The following CHRM3 variants were observed in gnomAD, a reference collection of about 807,000 sequenced individuals.
CHRM3 encodes cholinergic receptor muscarinic 3, also known as muscarinic acetylcholine receptor M3.
A neutral mutation model predicts 41.8 loss-of-function variants in CHRM3; 11 were observed. That is an observed-to-expected ratio of 0.26 (90% CI 0.17 to 0.44). The LOEUF is 0.44. CHRM3 is among the 20% of genes least tolerant of loss of function. The probability of loss-of-function intolerance (pLI) is 1.00; values close to 1 mark genes in which losing one functional copy is unlikely to be tolerated. For synonymous variants in CHRM3, 297 were observed against 301.4 expected (o/e 0.99, Z 0.15); for missense variants, 571 against 745.4 (o/e 0.77, Z 2.72).
At chr1:239,776,514 C>A (rs979907446) in intron 5 of CHRM3, among the ~76,000 whole-genome samples, 4 of 152,038 alleles carry the variant, frequency 2.6e-5, no homozygotes, top group African/African-American at 9.7e-5. Context: ...TTTTCCTTAT[C>A]CCCTGGCAGA....
chr1:239,778,199 C>A (rs112578744), intron 5 of CHRM3, among the ~76,000 whole-genome samples: 21 of 152,254 alleles, frequency 1.4e-4, no homozygotes, highest in African/African-American at 5.1e-4. Flanking sequence ...TCAAGCAATA[C>A]CACATCCCTA....
At chr1:239,667,018 C>T (rs548313683) in intron 4 of CHRM3, among the ~76,000 whole-genome samples, 1 of 152,222 alleles carries the variant, frequency 6.6e-6, no homozygotes, top group Non-Finnish European at 1.5e-5. Context: ...TTTATGGCTG[C>T]GTGACACTCT....
chr1:239,593,490 A>C lies in CHRM3; in HGVS notation c.-312-38734A>C, dbSNP rs79825976. Among the ~76,000 whole-genome samples the C allele has an allele frequency of 8.2e-4, 125 of 152,016 alleles. 1 individual carries two copies. In the South Asian group the frequency reaches 0.01, roughly 13 times the overall value. On this transcript the variant is annotated intron_variant, in intron 3 of 6. Coordinates refer to ENST00000676153, the MANE Select transcript of CHRM3 (RefSeq NM_001375978.1). ...TTAGACCATTTCTTTTTAAAAAAAA[A>C]AAACTCAAATATTTTATTTCATTTG...
intron 1 of CHRM3, among the ~76,000 whole-genome samples, chr1:239,491,801 C>T (rs1667573557): frequency 1.3e-5 from 2 of 152,154 alleles, no homozygotes; most frequent in Admixed American, 1.3e-4. Flanking sequence ...ACATTCCAAT[C>T]AACAGTGCTG....
intron 5 of CHRM3, among the ~76,000 whole-genome samples, chr1:239,708,668 G>A (rs1661428474): frequency 6.8e-6 from 1 of 147,882 alleles, no homozygotes; most frequent in Non-Finnish European, 1.5e-5. Flanking sequence ...GCCCCATCCA[G>A]AAAGGGCCAA....
At chr1:239,714,467 T>A (rs1662137428) in intron 5 of CHRM3, among the ~76,000 whole-genome samples, 1 of 152,048 alleles carries the variant, frequency 6.6e-6, no homozygotes, top group African/African-American at 2.4e-5. Flanking sequence ...GAAAGGTAAA[T>A]CAGAGTTACT....
intron 2 of CHRM3, among the ~76,000 whole-genome samples, chr1:239,543,224 C>G (rs1386078237): frequency 6.6e-6 from 1 of 152,150 alleles, no homozygotes. Flanking sequence ...CCATCTTTCT[C>G]CATCCATCCT....
At chr1:239,741,124 A>G (rs1199974802) in intron 5 of CHRM3, among the ~76,000 whole-genome samples, 2 of 152,148 alleles carry the variant, frequency 1.3e-5, no homozygotes, top group East Asian at 3.9e-4. Flanking sequence ...GGAGAAAAGC[A>G]TATGTATTTA....
intron 5 of CHRM3, among the ~76,000 whole-genome samples, chr1:239,759,966 G>C (rs1349499109): frequency 2.0e-5 from 3 of 152,018 alleles, no homozygotes; most frequent in African/African-American, 7.2e-5. Flanking sequence ...CTAGGCTGGA[G>C]TGCAGTGGCG....
At chr1:239,615,529 T>C (rs2148777415) in intron 3 of CHRM3, among the ~76,000 whole-genome samples, 1 of 152,304 alleles carries the variant, frequency 6.6e-6, no homozygotes, top group African/African-American at 2.4e-5. Flanking sequence ...AATGCATTCA[T>C]TGTTCAACCG....
At chr1:239,450,376 T>C (rs1158398263) in intron 1 of CHRM3, among the ~76,000 whole-genome samples, 2 of 152,144 alleles carry the variant, frequency 1.3e-5, no homozygotes, top group East Asian at 3.8e-4. Context: ...GAACAAACAA[T>C]AGTAACAAAA....
chr1:239,618,273 C>CTTTTTTT (rs11413091), intron 3 of CHRM3, among the ~76,000 whole-genome samples: 5 of 113,046 alleles, frequency 4.4e-5, no homozygotes, highest in African/African-American at 3.9e-5. Flanking sequence ...CTTTTTTTTT[C>CTTTTTTT]TTTCTTTTTT....
intron 6 of CHRM3, among the ~76,000 whole-genome samples, chr1:239,831,417 G>A (rs1015769989): frequency 2.0e-5 from 3 of 152,078 alleles, no homozygotes; most frequent in Non-Finnish European, 2.9e-5. Flanking sequence ...CCTCTTGATC[G>A]ATTAAGGCAA....
intron 3 of CHRM3, among the ~76,000 whole-genome samples, chr1:239,608,323 A>C (rs1373542280): frequency 1.3e-5 from 2 of 152,202 alleles, no homozygotes; most frequent in Admixed American, 1.3e-4. Context: ...TCTGTTTATC[A>C]CATATGTCTC....
intron 5 of CHRM3, chr1:239,718,882 AG>A (rs1336351421): frequency 2.0e-5 from 3 of 152,032 alleles, no homozygotes; most frequent in Admixed American, 2.0e-4. Context: ...GGTAACTAAC[AG>A]TACATCTTTT....
At position 239,654,157 on chromosome 1, in the gene CHRM3, T is replaced by A. The variant is rs895921326; in HGVS notation, c.-250+21871T>A. On this transcript the variant is annotated intron_variant, in intron 4 of 6. Coordinates refer to ENST00000676153, the MANE Select transcript of CHRM3 (RefSeq NM_001375978.1). ...TTGGAAAGAATACCTTTTGGAGAGA[T>A]GGGGGTCTCACTACGTTACTCAGGA... Among the ~76,000 whole-genome samples the A allele has an allele frequency of 5.3e-5, 8 of 151,748 alleles. 1 individual carries two copies. Among genetic ancestry groups the A allele is most frequent in the Admixed American group, 5.3e-4 (8 of 15,232 alleles).
chr1:239,582,682 C>G (rs921780023), intron 3 of CHRM3, among the ~76,000 whole-genome samples: 1 of 152,112 alleles, frequency 6.6e-6, no homozygotes, highest in African/African-American at 2.4e-5. Context: ...TCAATACCAT[C>G]CTCATCCATG....
intron 6 of CHRM3, among the ~76,000 whole-genome samples, chr1:239,899,386 C>G (rs66781955): frequency 6.7e-6 from 1 of 149,426 alleles, no homozygotes; most frequent in Non-Finnish European, 1.5e-5. Context: ...CATATATAAA[C>G]ACATATACAT....
chr1:239,796,486 T>C (rs1167633619), intron 5 of CHRM3, among the ~76,000 whole-genome samples: 1 of 152,182 alleles, frequency 6.6e-6, no homozygotes, highest in Non-Finnish European at 1.5e-5. Flanking sequence ...GTCTCATAAA[T>C]AATGAATGGG....
Sources: gnomAD v4.1 joint callset for allele counts (sites outside exome capture counted in the v4.1 genomes callset) on GRCh38, gnomAD v4.1.1 for gene constraint, MANE v1.5 for transcripts, NCBI Gene and HGNC (gene_info 2026-07-23, HGNC 2026-07-21) for gene names.